STAP1: variants seen among roughly 807,000 people sequenced by gnomAD.
STAP1 encodes the protein signal transducing adaptor family member 1.
STAP1 carries 30 observed loss-of-function variants against 37.8 expected under a neutral mutation model. The observed-to-expected ratio is 0.79, with a 90% CI of 0.59 to 1.08. STAP1 has a LOEUF of 1.08. Among genes scored for constraint, STAP1 ranks in the 50% least tolerant of loss-of-function variants. The probability of loss-of-function intolerance (pLI) is 0.00; values close to 1 mark genes in which losing one functional copy is unlikely to be tolerated. For synonymous variants in STAP1, 130 were observed against 116.0 expected, an observed-to-expected ratio of 1.12 and a Z score of -0.78; for missense variants, 357 against 349.4, an observed-to-expected ratio of 1.02 and a Z score of -0.17.
At chr4:67,562,195 A>G (rs1248449582) in intron 1 of STAP1, among the ~76,000 whole-genome samples, 9 of 151,746 alleles carry the variant, frequency 5.9e-5, no homozygotes, top group Admixed American at 5.9e-4. Flanking sequence ...AGTAAAAAAA[A>G]AAAACAGTGT....
intron 6 of STAP1, among the ~76,000 whole-genome samples, chr4:67,590,375 G>T (rs1453379188): frequency 6.6e-6 from 1 of 152,152 alleles, no homozygotes; most frequent in Non-Finnish European, 1.5e-5. Context: ...CCCAAAGTTA[G>T]TGGATATCCA....
At chr4:67,602,503 T>A (rs1346545765) in intron 8 of STAP1, among the ~76,000 whole-genome samples, 1 of 152,146 alleles carries the variant, frequency 6.6e-6, no homozygotes, top group African/African-American at 2.4e-5. Flanking sequence ...TTCCCAGTCT[T>A]CAAAAAGAAT....
intron 1 of STAP1, among the ~76,000 whole-genome samples, chr4:67,562,671 C>G (rs1727376516): frequency 6.6e-6 from 1 of 151,000 alleles, no homozygotes; most frequent in African/African-American, 2.4e-5. Context: ...ACTCAGGAGG[C>G]TGAAGCAGGA....
intron 6 of STAP1, among the ~76,000 whole-genome samples, chr4:67,588,566 C>T (rs374681834): frequency 7.4e-4 from 113 of 152,118 alleles, no homozygotes; most frequent in South Asian, 6.4e-3. Context: ...CCCACCACCA[C>T]GCCCGGCTAA....
At chr4:67,593,458 T>C (rs1728163410) in intron 8 of STAP1, 102 bp downstream of exon 8, 1 of 780,456 alleles carries the variant, frequency 1.3e-6, no homozygotes, top group Non-Finnish European at 2.1e-6. Context: ...AGGCAGGAAC[T>C]GTAGTTCAGT....
intron 8 of STAP1, among the ~76,000 whole-genome samples, chr4:67,600,911 G>GT (rs1418023573): frequency 6.6e-6 from 1 of 152,018 alleles, no homozygotes; most frequent in East Asian, 1.9e-4. Context: ...AGTGAGTCTT[G>GT]TTTTTTATCC....
intron 8 of STAP1, among the ~76,000 whole-genome samples, chr4:67,594,249 G>T (rs892225443): frequency 1.1e-4 from 16 of 152,076 alleles, no homozygotes; most frequent in Non-Finnish European, 2.1e-4. Flanking sequence ...GGGCATATCT[G>T]GATAGTCTTA....
chr4:67,576,416 C>T (rs1727721453), intron 3 of STAP1, among the ~76,000 whole-genome samples: 1 of 152,082 alleles, frequency 6.6e-6, no homozygotes, highest in Non-Finnish European at 1.5e-5. Flanking sequence ...GTGCTTAGCA[C>T]TTAAAGGTAC....
intron 4 of STAP1, 102 bp from the exon 5 acceptor site, chr4:67,581,203 C>A: frequency 1.8e-6 from 2 of 1,108,004 alleles, no homozygotes; most frequent in Non-Finnish European, 2.6e-6. Context: ...TCACCTCTGT[C>A]AGGTAACTGT....
intron 7 of STAP1, among the ~76,000 whole-genome samples, chr4:67,591,340 A>G (rs748443152): frequency 6.6e-6 from 1 of 152,220 alleles, no homozygotes; most frequent in Non-Finnish European, 1.5e-5. Context: ...ATAGCAACAT[A>G]GTAGTGAAGA....
At chr4:67,573,638 A>G (rs935559109) in intron 2 of STAP1, among the ~76,000 whole-genome samples, 2 of 152,148 alleles carry the variant, frequency 1.3e-5, no homozygotes, top group Non-Finnish European at 2.9e-5. Context: ...TTGACATATA[A>G]AATTGTTTAT....
intron 1 of STAP1, among the ~76,000 whole-genome samples, chr4:67,567,479 G>A (rs1272384277): frequency 2.0e-5 from 3 of 152,190 alleles, no homozygotes; most frequent in Non-Finnish European, 2.9e-5. Context: ...ATTTGTTCAA[G>A]TCTTACTGTA....
chr4:67,600,237 C>T (rs973570347), intron 8 of STAP1, among the ~76,000 whole-genome samples: 2 of 151,978 alleles, frequency 1.3e-5, no homozygotes, highest in African/African-American at 4.8e-5. Flanking sequence ...TTTAAATTTC[C>T]TTTTTAGTTT....
chr4:67,590,281 A>C (rs770993583), intron 6 of STAP1, among the ~76,000 whole-genome samples: 3 of 152,184 alleles, frequency 2.0e-5, no homozygotes, highest in Non-Finnish European at 2.9e-5. Flanking sequence ...GGAAGACAAT[A>C]CGATTCATGT....
At chr4:67,558,982 T>A in intron 1 of STAP1, 53 bp downstream of exon 1, 1 of 1,512,674 alleles carries the variant, frequency 6.6e-7, no homozygotes, top group Middle Eastern at 1.9e-4. Context: ...TAATTTAATA[T>A]TTATTTCATG....
At position 67,571,080 on chromosome 4, in the gene STAP1, A is replaced by G. The variant is rs181141360; in HGVS notation, c.121-4A>G. 123 of 1,608,646 alleles carry G rather than the reference A, an allele frequency of 7.6e-5. No homozygotes were observed. In the African/African-American group the frequency reaches 1.6e-3, roughly 21 times the overall value. On this transcript the variant is annotated splice_polypyrimidine_tract_variant and splice_region_variant and intron_variant, in intron 1 of 8. Transcript: ENST00000265404. ...AAATAATGTTTATGGTTTCTTTCCC[A>G]CAGGAGTATGAGCATTACTGGACAG...
rs1022345520 is a variant in STAP1 at position 67,574,899 on chromosome 4, G to A, written c.193-486G>A. On this transcript the variant is annotated intron_variant, in intron 2 of 8. Transcript: ENST00000265404. ...TTGCATGGTGTAAAATACTCTCACT[G>A]TGGCTGATTTCAACCTAACAGTATG... is the stretch of plus-strand genomic sequence containing the variant. Among the ~76,000 whole-genome samples the A allele has an allele frequency of 2.0e-5, 3 of 152,150 alleles. No homozygotes were observed. In the East Asian group the frequency reaches 5.8e-4, roughly 29 times the overall value.
At chr4:67,566,188 T>A (rs1727465910) in intron 1 of STAP1, among the ~76,000 whole-genome samples, 1 of 152,042 alleles carries the variant, frequency 6.6e-6, no homozygotes, top group Non-Finnish European at 1.5e-5. Flanking sequence ...CCTCAGGTGA[T>A]CTTCCCGCCT....
intron 7 of STAP1, among the ~76,000 whole-genome samples, chr4:67,591,270 A>G (rs184717793): frequency 2.0e-4 from 31 of 152,334 alleles, no homozygotes; most frequent in African/African-American, 7.5e-4. Context: ...AATGGGAAGA[A>G]ATCTGTAAAT....
Sources: gnomAD v4.1 joint callset for allele counts (sites outside exome capture counted in the v4.1 genomes callset) on GRCh38, gnomAD v4.1.1 for gene constraint, MANE v1.5 for transcripts, NCBI Gene and HGNC (gene_info 2026-07-23, HGNC 2026-07-21) for gene names.